The following WWOX variants were observed in gnomAD, a reference collection of about 807,000 sequenced individuals.
WWOX encodes WW domain containing oxidoreductase, also known as WW domain-containing oxidoreductase.
A neutral mutation model predicts 46.2 loss-of-function variants in WWOX; 69 were observed. The ratio of observed to expected loss-of-function variants is 1.49; its 90% CI spans 1.23 to 1.82. WWOX has a LOEUF of 1.82. Ranked by LOEUF, WWOX falls within the 40% of genes most tolerant of loss-of-function variation. WWOX has a pLI of 0.00. For missense variants in WWOX, 919 were observed against 542.6 expected, an observed-to-expected ratio of 1.69 and a Z score of -6.89; for synonymous variants, 359 against 202.6, an observed-to-expected ratio of 1.77 and a Z score of -6.56.
intron 1 of WWOX, among the ~76,000 whole-genome samples, chr16:78,102,207 A>C (rs1175311850): frequency 6.6e-6 from 1 of 152,172 alleles, no homozygotes; most frequent in Non-Finnish European, 1.5e-5. Context: ...CACTGTGCCA[A>C]GCCCAGAGCG....
intron 8 of WWOX, among the ~76,000 whole-genome samples, chr16:78,918,845 A>G (rs1238267309): frequency 1.2e-4 from 18 of 152,174 alleles, no homozygotes; most frequent in East Asian, 1.9e-4. Flanking sequence ...GGGGTCTCAC[A>G]TGATCCGTCG....
At chr16:78,745,669 C>G (rs1305609161) in intron 8 of WWOX, among the ~76,000 whole-genome samples, 1 of 151,612 alleles carries the variant, frequency 6.6e-6, no homozygotes, top group East Asian at 1.9e-4. Context: ...TTTTTCAGCA[C>G]ATAAATTTTC....
In WWOX at chr16:78,549,701, C is replaced by G. The variant is rs555611051; in HGVS notation, c.1056+116949C>G. ...AAACTGAACAACATTAGCAAAATCA[C>G]TACATATTATAGGAATCAAGTACAT... On this transcript the variant is annotated intron_variant, in intron 8 of 8. Coordinates refer to ENST00000566780, the MANE Select transcript of WWOX (RefSeq NM_016373.4). Among the ~76,000 whole-genome samples the G allele has an allele frequency of 1.2e-4, 18 of 152,258 alleles. No homozygotes were observed. In the South Asian group the frequency reaches 3.5e-3, roughly 30 times the overall value.
At chr16:78,942,364 C>A (rs1054955529) in intron 8 of WWOX, among the ~76,000 whole-genome samples, 3 of 152,116 alleles carry the variant, frequency 2.0e-5, no homozygotes, top group African/African-American at 4.8e-5. Flanking sequence ...GCGCAGCCTA[C>A]CCCTTGCATA....
chr16:78,127,068 A>C (rs1323541163), intron 4 of WWOX, among the ~76,000 whole-genome samples: 1 of 152,076 alleles, frequency 6.6e-6, no homozygotes, highest in Non-Finnish European at 1.5e-5. Context: ...AGGAACACTG[A>C]CTCTGGAAGC....
intron 4 of WWOX, among the ~76,000 whole-genome samples, chr16:78,153,987 G>A (rs1338575690): frequency 2.0e-5 from 3 of 152,058 alleles, no homozygotes; most frequent in Non-Finnish European, 2.9e-5. Flanking sequence ...TTCTGTGGGC[G>A]ACTGTCCCCA....
chr16:78,282,246 A>C (rs1033322694), intron 5 of WWOX, among the ~76,000 whole-genome samples: 1 of 152,286 alleles, frequency 6.6e-6, no homozygotes, highest in Non-Finnish European at 1.5e-5. Flanking sequence ...AACATTCTGG[A>C]CACACAAATC....
At chr16:79,043,684 C>G (rs527619224) in intron 8 of WWOX, among the ~76,000 whole-genome samples, 1 of 152,318 alleles carries the variant, frequency 6.6e-6, no homozygotes, top group East Asian at 1.9e-4. Flanking sequence ...TAGGATCAGG[C>G]TGACCAGTAT....
intron 8 of WWOX, among the ~76,000 whole-genome samples, chr16:78,495,110 A>G (rs2084880220): frequency 6.6e-6 from 1 of 151,886 alleles, no homozygotes; most frequent in African/African-American, 2.4e-5. Flanking sequence ...CTTATAAGAA[A>G]AGATATAGAA....
intron 8 of WWOX, among the ~76,000 whole-genome samples, chr16:78,647,306 G>A (rs1441921171): frequency 2.0e-5 from 3 of 152,142 alleles, no homozygotes; most frequent in Admixed American, 6.5e-5. Flanking sequence ...TGCTGGCCCG[G>A]CCCAGGCGAG....
At chr16:79,044,317 C>T (rs567265804) in intron 8 of WWOX, among the ~76,000 whole-genome samples, 4 of 152,264 alleles carry the variant, frequency 2.6e-5, no homozygotes, top group African/African-American at 9.6e-5. Context: ...GCCCAAAGCT[C>T]ATGTCAAAAG....
chr16:78,494,469 G>C (rs1008342744), intron 8 of WWOX, among the ~76,000 whole-genome samples: 1 of 104,104 alleles, frequency 9.6e-6, no homozygotes, highest in African/African-American at 2.8e-5. Context: ...TAATAAATAA[G>C]ATTGATACAA....
intron 8 of WWOX, among the ~76,000 whole-genome samples, chr16:78,583,831 T>C (rs765223885): frequency 5.9e-5 from 9 of 152,222 alleles, no homozygotes; most frequent in Admixed American, 2.0e-4. Flanking sequence ...GCAGATGTAA[T>C]TGAGCCTCTC....
At chr16:79,009,243 G>T (rs867484663) in intron 8 of WWOX, among the ~76,000 whole-genome samples, 16 of 152,306 alleles carry the variant, frequency 1.1e-4, no homozygotes, top group Middle Eastern at 6.8e-3. Flanking sequence ...GTTACAAACG[G>T]TTTGGGCACT....
chr16:78,710,484 A>ATATATATATATATATATATATATATATT (rs1567507527), intron 8 of WWOX, among the ~76,000 whole-genome samples: 1 of 129,998 alleles, frequency 7.7e-6, no homozygotes, highest in African/African-American at 3.0e-5. Context: ...ATATATATAT[A>ATATATATATATATATATATATATATATT]TATATATATA....
At chr16:78,648,076 C>A (rs775425762) in intron 8 of WWOX, among the ~76,000 whole-genome samples, 3 of 152,198 alleles carry the variant, frequency 2.0e-5, no homozygotes, top group East Asian at 1.9e-4. Flanking sequence ...CAGGTGTGTG[C>A]CACCTTGGAG....
intron 6 of WWOX, among the ~76,000 whole-genome samples, chr16:78,388,120 C>T (rs2082097950): frequency 6.6e-6 from 1 of 152,180 alleles, no homozygotes; most frequent in Non-Finnish European, 1.5e-5. Context: ...CAACGTCCCA[C>T]TGTGGGCCCA....
chr16:79,067,114 T>C (rs2048455963), intron 8 of WWOX, among the ~76,000 whole-genome samples: 1 of 152,216 alleles, frequency 6.6e-6, no homozygotes, highest in Admixed American at 6.5e-5. Context: ...CTGGATGCAA[T>C]CCTTGGAGGC....
intron 8 of WWOX, among the ~76,000 whole-genome samples, chr16:78,751,379 C>G (rs932464032): frequency 1.3e-5 from 2 of 148,242 alleles, no homozygotes; most frequent in Non-Finnish European, 3.0e-5. Context: ...AGTAACACAC[C>G]TCTGTCCTGC....
Sources: allele counts gnomAD v4.1 joint callset (sites outside exome capture counted in the v4.1 genomes callset), GRCh38; gene constraint gnomAD v4.1.1; transcripts MANE v1.5; gene names NCBI Gene and HGNC (gene_info 2026-07-23, HGNC 2026-07-21).